PDGFRL: variants seen among roughly 807,000 people sequenced by gnomAD.
The protein encoded by PDGFRL is platelet derived growth factor receptor like.
Under a neutral mutation model 37.2 loss-of-function variants are expected in PDGFRL, and 46 were observed. That is an observed-to-expected ratio of 1.24 (90% CI 0.98 to 1.58). The LOEUF (loss-of-function observed/expected upper bound fraction) is 1.58. Ranked by LOEUF, PDGFRL falls within the 40% of genes most tolerant of loss-of-function variation. The probability of loss-of-function intolerance (pLI) is 0.00; values close to 1 mark genes in which losing one functional copy is unlikely to be tolerated. For missense variants in PDGFRL, 692 were observed against 467.6 expected (o/e 1.48, Z -4.43); for synonymous variants, 251 against 184.3 (o/e 1.36, Z -2.93).
At chr8:17,609,682 C>T (rs144626663) in intron 2 of PDGFRL, among the ~76,000 whole-genome samples, 2 of 112,282 alleles carry the variant, frequency 1.8e-5, no homozygotes, top group Admixed American at 1.9e-4. Context: ...CCAAAGAGAA[C>T]AGCATCAAAC....
intron 1 of PDGFRL, among the ~76,000 whole-genome samples, chr8:17,577,805 C>T (rs1031086837): frequency 2.6e-5 from 4 of 151,716 alleles, no homozygotes; most frequent in Admixed American, 2.0e-4. Context: ...CGTCTACCAC[C>T]TTTTGCTTGA....
At chr8:17,629,956 T>C (rs551755604) in intron 4 of PDGFRL, among the ~76,000 whole-genome samples, 2 of 152,070 alleles carry the variant, frequency 1.3e-5, no homozygotes, top group African/African-American at 2.4e-5. Flanking sequence ...CAGTACTCAC[T>C]ACCCACACCC....
At chr8:17,626,401 G>T (rs538023794) in intron 3 of PDGFRL, among the ~76,000 whole-genome samples, 3 of 152,152 alleles carry the variant, frequency 2.0e-5, no homozygotes, top group African/African-American at 7.2e-5. Context: ...TCTGAGCCAT[G>T]ATATACTCTT....
At chr8:17,582,522 C>A (rs1803728686) in intron 1 of PDGFRL, among the ~76,000 whole-genome samples, 1 of 144,580 alleles carries the variant, frequency 6.9e-6, no homozygotes. Context: ...GAGGAGATTG[C>A]AGTGAGCTGA....
intron 4 of PDGFRL, among the ~76,000 whole-genome samples, chr8:17,629,131 C>A (rs574585500): frequency 9.6e-5 from 14 of 146,262 alleles, no homozygotes; most frequent in Non-Finnish European, 1.6e-4. Context: ...GGTCTCCCTA[C>A]CTTGCCTGGG....
chr8:17,638,776 T>TATATATATAA lies in PDGFRL; in HGVS notation c.940-3828_940-3827insAATATATATA, dbSNP rs1554556065. ...ATATATATATATATATATATATATA[T>TATATATATAA]ATATATATATAATTGTGATATTTTC... On this transcript the variant is annotated intron_variant, in intron 5 of 5. Transcript: ENST00000251630. Among the ~76,000 whole-genome samples, 128 of 106,020 alleles carry TATATATATAA rather than the reference T, an allele frequency of 1.2e-3. 4 individuals are homozygous for TATATATATAA. Among genetic ancestry groups the TATATATATAA allele is most frequent in the South Asian group, 3.7e-3 (11 of 2,950 alleles). The allele number at this position is 106,020 out of a possible 152,430, so 69.6% of individuals were successfully genotyped here.
At chr8:17,641,952 A>G (rs1805120128) in intron 5 of PDGFRL, among the ~76,000 whole-genome samples, 2 of 129,166 alleles carry the variant, frequency 1.5e-5, no homozygotes, top group Admixed American at 9.9e-5. Context: ...TTAGTGATAT[A>G]TTAGTTCTGT....
chr8:17,577,177 T>G, upstream of PDGFRL: 1 of 1,414,700 alleles, frequency 7.1e-7, no homozygotes, highest in Non-Finnish European at 9.4e-7. Context: ...AGCCCGCCCC[T>G]CGCCCGCCGC....
chr8:17,612,950 A>G (rs745640117), intron 2 of PDGFRL, among the ~76,000 whole-genome samples: 10 of 152,218 alleles, frequency 6.6e-5, no homozygotes, highest in Admixed American at 1.3e-4. Flanking sequence ...CCCGTAATCT[A>G]TTGTGAATAT....
At chr8:17,616,351 C>T (rs940464595) in intron 2 of PDGFRL, among the ~76,000 whole-genome samples, 5 of 152,018 alleles carry the variant, frequency 3.3e-5, no homozygotes, top group South Asian at 2.1e-4. Context: ...TGCACCACCG[C>T]GCCCAGCTAA....
intron 2 of PDGFRL, among the ~76,000 whole-genome samples, chr8:17,594,947 T>G (rs1227630872): frequency 1.3e-5 from 2 of 152,232 alleles, no homozygotes; most frequent in African/African-American, 4.8e-5. Context: ...TATATTTCTT[T>G]GAGATTCTGC....
intron 2 of PDGFRL, among the ~76,000 whole-genome samples, chr8:17,592,473 C>T (rs1019137510): frequency 1.3e-5 from 2 of 152,086 alleles, no homozygotes; most frequent in East Asian, 3.9e-4. Flanking sequence ...GGTGGATGCC[C>T]TTGGGGATAA....
At chr8:17,609,831 CTCAAA>C (rs1673064633) in intron 2 of PDGFRL, among the ~76,000 whole-genome samples, 1 of 152,002 alleles carries the variant, frequency 6.6e-6, no homozygotes, top group Non-Finnish European at 1.5e-5. Flanking sequence ...GTAAAGTAAA[CTCAAA>C]TCAAGCCATA....
chr8:17,637,523 T>C (rs73571147), intron 5 of PDGFRL, among the ~76,000 whole-genome samples: 16 of 152,306 alleles, frequency 1.1e-4, no homozygotes, highest in African/African-American at 3.8e-4. Context: ...TGTTGGTCTA[T>C]AGTTTTCTCT....
intron 3 of PDGFRL, among the ~76,000 whole-genome samples, chr8:17,622,321 G>A (rs1306745610): frequency 6.6e-6 from 1 of 152,200 alleles, no homozygotes; most frequent in Non-Finnish European, 1.5e-5. Context: ...GACATTTCAG[G>A]TGAAACCAGA....
chr8:17,585,241 G>A (rs1803790594), intron 1 of PDGFRL, among the ~76,000 whole-genome samples: 1 of 152,134 alleles, frequency 6.6e-6, no homozygotes, highest in African/African-American at 2.4e-5. Context: ...TATCAGCAAG[G>A]TGTCTGTGAC....
intron 3 of PDGFRL, among the ~76,000 whole-genome samples, chr8:17,624,460 A>G (rs879268770): frequency 1.2e-4 from 18 of 152,232 alleles, no homozygotes; most frequent in Non-Finnish European, 1.8e-4. Flanking sequence ...AAAACATTCA[A>G]ATTCTCAGAA....
chr8:17,635,121 CTTTGTT>C (rs1804946090), intron 5 of PDGFRL, among the ~76,000 whole-genome samples: 1 of 152,028 alleles, frequency 6.6e-6, no homozygotes, highest in Non-Finnish European at 1.5e-5. Flanking sequence ...AGAGTGTTCT[CTTTGTT>C]TTTAATATAT....
At chr8:17,598,374 GAATAAACCCCTTGAGGGCA>G (rs757718761) in intron 2 of PDGFRL, among the ~76,000 whole-genome samples, 17 of 152,148 alleles carry the variant, frequency 1.1e-4, no homozygotes, top group Non-Finnish European at 2.4e-4. Context: ...CCTCCTGAAA[GAATAAACCCCTTGAGGGCA>G]AATAACACAT....
Sources: allele counts gnomAD v4.1 joint callset (sites outside exome capture counted in the v4.1 genomes callset), GRCh38; gene constraint gnomAD v4.1.1; transcripts MANE v1.5; gene names NCBI Gene and HGNC (gene_info 2026-07-23, HGNC 2026-07-21).